Variants in CAMTA1 observed in about 807,000 individuals in gnomAD.
The protein encoded by CAMTA1 is calmodulin binding transcription activator 1.
In CAMTA1, 27 loss-of-function variants were observed where a neutral mutation model predicts 170.9. The ratio of observed to expected loss-of-function variants is 0.16; its 90% confidence interval spans 0.12 to 0.22. CAMTA1 has a LOEUF of 0.22. Ranked by LOEUF, CAMTA1 falls within the 10% of genes least tolerant of loss-of-function variation. The pLI is 1.00. For synonymous variants in CAMTA1, 833 were observed against 891.5 expected, an observed-to-expected ratio of 0.93 and a Z score of 1.17; for missense variants, 1,619 against 2,217.2, an observed-to-expected ratio of 0.73 and a Z score of 5.42.
chr1:7,684,223 T>C (rs3124793), intron 11 of CAMTA1, among the ~76,000 whole-genome samples: 148,555 of 152,332 alleles, frequency 0.98, 72,539 homozygotes, highest in East Asian at 1. Flanking sequence ...AAGTTGACTC[T>C]GTGGAGGACG....
chr1:7,303,980 TG>T (rs1481102639), intron 5 of CAMTA1, among the ~76,000 whole-genome samples: 6 of 152,222 alleles, frequency 3.9e-5, no homozygotes, highest in African/African-American at 1.4e-4. Context: ...CACTGCATTC[TG>T]TGGTTCTGCT....
intron 3 of CAMTA1, among the ~76,000 whole-genome samples, chr1:7,053,653 A>C (rs1461427896): frequency 6.6e-6 from 1 of 152,074 alleles, no homozygotes; most frequent in Non-Finnish European, 1.5e-5. Context: ...CTCTGGGGAC[A>C]CAGGCATCTT....
intron 5 of CAMTA1, among the ~76,000 whole-genome samples, chr1:7,321,641 A>G (rs1048299799): frequency 6.6e-6 from 1 of 152,048 alleles, no homozygotes; most frequent in South Asian, 2.1e-4. Flanking sequence ...ACATTTCAGC[A>G]TCTCTTTTTG....
intron 7 of CAMTA1, among the ~76,000 whole-genome samples, chr1:7,655,613 C>T (rs2095894829): frequency 7.1e-6 from 1 of 140,742 alleles, no homozygotes; most frequent in Non-Finnish European, 1.5e-5. Context: ...CCTATACACA[C>T]CCACACACCT....
rs1681930149 is a variant in CAMTA1, at chr1:6,921,148, T to C, written c.234+95938T>C. On this transcript the variant is annotated intron_variant, in intron 3 of 22. Coordinates refer to ENST00000303635, the MANE Select transcript of CAMTA1 (RefSeq NM_015215.4). Reference sequence around the variant, plus strand: ...CCTTTAGCAGCACCCAAGTCACATCTTGAATGTTTTACTGCTTAGAAATTT... The same window carrying C: ...CCTTTAGCAGCACCCAAGTCACATCCTGAATGTTTTACTGCTTAGAAATTT... 1.3e-5 allele frequency among the ~76,000 whole-genome samples: 2 copies of C among 152,262 alleles called. 1 individual carries two copies. Among genetic ancestry groups the C allele is most frequent in the South Asian group, 4.1e-4 (2 of 4,838 alleles).
chr1:7,184,248 G>A (rs951212023), intron 4 of CAMTA1, among the ~76,000 whole-genome samples: 2 of 152,158 alleles, frequency 1.3e-5, no homozygotes, highest in Non-Finnish European at 2.9e-5. Context: ...AGGGGCAGTG[G>A]GGATGGTTAA....
rs1179670931 is a variant in CAMTA1, at chr1:7,036,941, C to A, written c.235-54363C>A. 8.5e-5 allele frequency among the ~76,000 whole-genome samples: 13 copies of A among 152,318 alleles called. No homozygotes were observed. In the East Asian group the frequency reaches 2.5e-3, roughly 29 times the overall value. Reference sequence around the variant, plus strand: ...GGTTAATTGCGTGGAGGCTGTGTTTCAGTGAGGCCTTGGAAGTTCGGGGCT... The same window carrying A: ...GGTTAATTGCGTGGAGGCTGTGTTTAAGTGAGGCCTTGGAAGTTCGGGGCT... On this transcript the variant is annotated intron_variant, in intron 3 of 22. Coordinates refer to ENST00000303635, the MANE Select transcript of CAMTA1 (RefSeq NM_015215.4).
chr1:7,754,483 G>C (rs2096918244), intron 21 of CAMTA1, among the ~76,000 whole-genome samples: 1 of 152,188 alleles, frequency 6.6e-6, no homozygotes. Flanking sequence ...GGAGAGTTAA[G>C]AGAATGAGAT....
At chr1:7,363,195 T>C (rs2085687996) in intron 5 of CAMTA1, among the ~76,000 whole-genome samples, 1 of 151,930 alleles carries the variant, frequency 6.6e-6, no homozygotes, top group Admixed American at 6.6e-5. Flanking sequence ...ACATCACTCA[T>C]GGACATGAGC....
intron 1 of CAMTA1, among the ~76,000 whole-genome samples, chr1:6,812,037 C>G (rs1645225829): frequency 6.6e-6 from 1 of 152,214 alleles, no homozygotes; most frequent in Non-Finnish European, 1.5e-5. Context: ...GCATTCTGTT[C>G]CACCGCTCTC....
At chr1:7,096,212 A>G (rs538204771) in intron 4 of CAMTA1, among the ~76,000 whole-genome samples, 3 of 152,318 alleles carry the variant, frequency 2.0e-5, no homozygotes, top group South Asian at 2.1e-4. Context: ...CTGAGTTTCA[A>G]AAAGACTCCA....
rs2083166134 is a variant in CAMTA1 at position 7,333,571 on chromosome 1, A to C, written c.438+83945A>C. Among the ~76,000 whole-genome samples the C allele has an allele frequency of 6.6e-6, 1 of 152,172 alleles. No individual in the cohort carries two copies. The highest frequency in any genetic ancestry group is 2.1e-4 in the South Asian group (1 of 4,832). On this transcript the variant is annotated intron_variant, in intron 5 of 22. Coordinates refer to ENST00000303635, the MANE Select transcript of CAMTA1 (RefSeq NM_015215.4). The surrounding 1 kb of genome is among the most constrained non-coding windows in gnomAD (Gnocchi z 4.4). ...CCAAGGCATTGGATCTTCATATTGG[A>C]TCCAGGAAGACAACTTTGTGAAAGG...
intron 6 of CAMTA1, among the ~76,000 whole-genome samples, chr1:7,521,734 A>G (rs1233094038): frequency 2.0e-5 from 3 of 152,130 alleles, no homozygotes; most frequent in Non-Finnish European, 4.4e-5. Flanking sequence ...TTTTTAGTAG[A>G]GACGGAGTTT....
intron 5 of CAMTA1, among the ~76,000 whole-genome samples, chr1:7,384,768 G>C (rs1036019308): frequency 6.6e-6 from 1 of 152,098 alleles, no homozygotes; most frequent in Non-Finnish European, 1.5e-5. Flanking sequence ...AATTAGGAGG[G>C]GCAGAGCTGC....
rs945379762 is a variant in CAMTA1, at chr1:7,327,090, G to C, written c.438+77464G>C. ...GACAAAAGTAGTTAAGTGGATAGGC[G>C]GGGGGGAAAGTCTGTTGGAGTTGAT... On this transcript the variant is annotated intron_variant, in intron 5 of 22. Transcript: ENST00000303635. 5.3e-5 allele frequency among the ~76,000 whole-genome samples: 8 copies of C among 152,030 alleles called. No individual in the cohort carries two copies. In the South Asian group the frequency reaches 1.2e-3, roughly 24 times the overall value.
At position 7,766,579 on chromosome 1, in the gene CAMTA1, A is replaced by ACACACGCACACACG. The variant is rs1197681758; in HGVS notation, c.*94_*107dup. ...TTTAGCAGAGACATGCAACAACAAC[A>ACACACGCACACACG]CACACGCACACACGCACACACACAC... On this transcript the variant is annotated 3_prime_UTR_variant, in exon 23 of 23. Transcript: ENST00000303635. 1 of 966,906 alleles carries ACACACGCACACACG rather than the reference A, an allele frequency of 1.0e-6. No homozygotes were observed. The highest frequency in any genetic ancestry group is 2.4e-5 in the East Asian group (1 of 41,344). 59.9% of individuals were successfully genotyped at this position (966,906 alleles called of 1,614,324 possible). A position where few individuals can be genotyped will look rare whatever the true frequency, so the allele number is the denominator to read the frequency against.
intron 5 of CAMTA1, among the ~76,000 whole-genome samples, chr1:7,434,078 C>G (rs995044616): frequency 6.6e-6 from 1 of 152,056 alleles, no homozygotes; most frequent in East Asian, 1.9e-4. Flanking sequence ...GTCCCTCCCC[C>G]ACATCCCTTC....
intron 6 of CAMTA1, among the ~76,000 whole-genome samples, chr1:7,501,954 C>T (rs1299384012): frequency 1.3e-5 from 2 of 152,202 alleles, no homozygotes; most frequent in Non-Finnish European, 2.9e-5. Context: ...CTGGTGTTTG[C>T]AGCAAGCCTG....
intron 6 of CAMTA1, among the ~76,000 whole-genome samples, chr1:7,473,346 C>T (rs1010667687): frequency 4.6e-5 from 7 of 152,220 alleles, no homozygotes; most frequent in African/African-American, 1.7e-4. Flanking sequence ...ATAGGAGGAA[C>T]AGCTGGGGCT....
Sources: allele counts gnomAD v4.1 joint callset (sites outside exome capture counted in the v4.1 genomes callset), GRCh38; gene constraint gnomAD v4.1.1; non-coding constraint Gnocchi (gnomAD v3.1); transcripts MANE v1.5; gene names NCBI Gene and HGNC (gene_info 2026-07-23, HGNC 2026-07-21).